IQGAP3: variants seen among roughly 807,000 people sequenced by gnomAD.
The protein encoded by IQGAP3 is IQ motif containing GTPase activating protein 3, also known as ras GTPase-activating-like protein IQGAP3.
Under a neutral mutation model 208.2 loss-of-function variants are expected in IQGAP3, and 165 were observed. That is an observed-to-expected ratio of 0.79 (90% confidence interval 0.70 to 0.90). IQGAP3 has a LOEUF of 0.90. Ranked by LOEUF, IQGAP3 falls within the 40% of genes least tolerant of loss-of-function variation. IQGAP3 has a pLI of 0.00. For synonymous variants in IQGAP3, 703 were observed against 803.6 expected, an observed-to-expected ratio of 0.87 and a Z score of 2.12; for missense variants, 1,811 against 2,043.1, an observed-to-expected ratio of 0.89 and a Z score of 2.19.
chr1:156,553,155 G>A (rs1432773311), intron 13 of IQGAP3, among the ~76,000 whole-genome samples: 2 of 152,096 alleles, frequency 1.3e-5, no homozygotes, highest in Non-Finnish European at 2.9e-5. Context: ...CAGCCTGGGT[G>A]GCAGAGCAAG....
rs1293333593 is a variant in IQGAP3, at chr1:156,530,282, C to T, written c.4227G>A (p.Gln1409=). ...AAHKQLMSRR[Q]ACTAQTPEPL... is the part of the protein sequence containing the mutation. Reference sequence around the variant, plus strand: ...GCTCCGGTGTCTGGGCTGTACAGGCCTGGCGTCGGCTCATCAGCTGCTTGT... The same window carrying T: ...GCTCCGGTGTCTGGGCTGTACAGGCTTGGCGTCGGCTCATCAGCTGCTTGT... Residue 1409 remains glutamine (Q), a synonymous_variant, in exon 34 of 38, where the codon CAG becomes CAA. Transcript: ENST00000361170. The T allele has an allele frequency of 6.2e-7, 1 of 1,611,064 alleles. No individual in the cohort carries two copies. The highest frequency in any genetic ancestry group is 1.1e-5 in the South Asian group (1 of 90,832).
In IQGAP3 at chr1:156,548,764, G is replaced by A. The variant is rs137902823; in HGVS notation, c.1826-16C>T. The A allele has an allele frequency of 8.8e-3, 13,655 of 1,543,092 alleles. 98 individuals are homozygous for A. Among genetic ancestry groups the A allele is most frequent in the Non-Finnish European group, 0.011 (12,396 of 1,144,342 alleles). On this transcript the variant is annotated splice_polypyrimidine_tract_variant and intron_variant, in intron 16 of 37. Coordinates refer to ENST00000361170, the MANE Select transcript of IQGAP3 (RefSeq NM_178229.5). ...CCAAGAGCCACTGACAGGGGCATCA[G>A]GAGAGAGCAGTCAATCCTTCCCCCG...
intron 4 of IQGAP3, 128 bp downstream of exon 4, chr1:156,565,899 C>T (rs972278724): frequency 1.1e-5 from 8 of 734,994 alleles, no homozygotes; most frequent in Non-Finnish European, 1.9e-5. Context: ...GAACTGTTCT[C>T]TTAGATTAAG....
At position 156,548,669 on chromosome 1, in the gene IQGAP3, G is replaced by A. The variant is rs199802617; in HGVS notation, c.1905C>T (p.Pro635=). 48 of 1,612,276 alleles carry A rather than the reference G, an allele frequency of 3.0e-5. No homozygotes were observed. The South Asian group carries it at 3.7e-4, about 13-fold the overall frequency. ...GAACTACCCCTCGAAGGGCCACTGC[G>A]GGGTTCCTCAACACCCGCTCAGTCT... The part of the protein sequence containing the change: ...AAQTERVLRN[P]AVALRGVVPD... The change falls in exon 17 of 38, where the codon CCC becomes CCT. Residue 635 remains proline, a synonymous_variant. Transcript: ENST00000361170.
In IQGAP3 at chr1:156,548,255, GGA is replaced by G; in HGVS notation, c.2134-14_2134-13del. ...TTGGTGACAGCTGACTGTGGAGGCAGGAGAGAGACGCTGTGGTCTTTTGGGGA... is the reference window on the plus strand; with the variant it reads ...TTGGTGACAGCTGACTGTGGAGGCAGGAGAGACGCTGTGGTCTTTTGGGGA... On this transcript the variant is annotated splice_polypyrimidine_tract_variant and intron_variant, in intron 18 of 37. Coordinates refer to ENST00000361170, the MANE Select transcript of IQGAP3 (RefSeq NM_178229.5). 1 of 1,612,414 alleles carries G rather than the reference GGA, an allele frequency of 6.2e-7. No homozygotes were observed. Among genetic ancestry groups the G allele is most frequent in the Non-Finnish European group, 8.5e-7 (1 of 1,178,770 alleles).
rs114783713 is a variant in IQGAP3, at chr1:156,533,375, T to A, written c.3977-269A>T. Among the ~76,000 whole-genome samples the A allele has an allele frequency of 9.3e-3, 1,420 of 152,182 alleles. 24 individuals are homozygous for A. Among genetic ancestry groups the A allele is most frequent in the African/African-American group, 0.032 (1,335 of 41,512 alleles). On this transcript the variant is annotated intron_variant, in intron 31 of 37. Coordinates refer to ENST00000361170, the MANE Select transcript of IQGAP3 (RefSeq NM_178229.5). ...CCCTCAGCCCTGGGTGCCCTGAGGG[T>A]AGAGGAGCTGTGCCTCCCTGAGCCT...
chr1:156,528,785 G>T, intron 35 of IQGAP3, 131 bp downstream of exon 35: 1 of 1,188,822 alleles, frequency 8.4e-7, no homozygotes, highest in Non-Finnish European at 1.2e-6. Context: ...TCAAAGACCA[G>T]ACTTAGGAAG....
At chr1:156,543,273 C>G (rs766886535) in intron 22 of IQGAP3, among the ~76,000 whole-genome samples, 1 of 151,990 alleles carries the variant, frequency 6.6e-6, no homozygotes, top group Non-Finnish European at 1.5e-5. Context: ...ACAGGCAAAG[C>G]CCCTGTGGGC....
In IQGAP3 at chr1:156,529,029, C is replaced by T. The variant is rs370239156; in HGVS notation, c.4458G>A (p.Lys1486=). Residue 1486 remains lysine, a synonymous_variant, in exon 35 of 38, where the codon AAG becomes AAA. Coordinates refer to ENST00000361170, the MANE Select transcript of IQGAP3 (RefSeq NM_178229.5). ...TCAGGCCCTGTAATGTGGCCTGCAG[C>T]TTCACCAGCTCTGCCTTCCGCCTGT... is the stretch of plus-strand genomic sequence containing the variant. ...HRHRRKAELV[K]LQATLQGLST... 1.9e-6 allele frequency: 3 copies of T among 1,614,204 alleles called. No individual in the cohort carries two copies. In the African/African-American group the frequency reaches 4.0e-5, roughly 22 times the overall value.
chr1:156,561,954 G>A lies in IQGAP3; in HGVS notation c.925C>T (p.Pro309Ser), dbSNP rs764762345. The change falls in exon 10 of 38, where the codon CCT becomes TCT. Residue 309 changes from proline to serine, a missense_variant. By Grantham distance (74) the Pro-to-Ser change is moderately conservative. Coordinates refer to ENST00000361170, the MANE Select transcript of IQGAP3 (RefSeq NM_178229.5). The part of the protein sequence containing the change: ...VVDDALERQS[P>S]EALLKALQDP... Reference sequence around the variant, plus strand: ...TGAAGGGCCTTGAGCAAGGCTTCAGGGCTCTGTCTTTCCAGGGCATCATCA... The same window carrying A: ...TGAAGGGCCTTGAGCAAGGCTTCAGAGCTCTGTCTTTCCAGGGCATCATCA... The A allele has an allele frequency of 1.2e-6, 2 of 1,613,724 alleles. No individual in the cohort carries two copies. Among genetic ancestry groups the A allele is most frequent in the Non-Finnish European group, 1.7e-6 (2 of 1,179,908 alleles).
In IQGAP3 at chr1:156,548,586, C is replaced by T. The variant is rs780418135; in HGVS notation, c.1988G>A (p.Arg663His). 20 of 1,599,762 alleles carry T rather than the reference C, an allele frequency of 1.3e-5. No individual in the cohort carries two copies. The highest frequency in any genetic ancestry group is 5.6e-5 in the South Asian group (5 of 89,456). Residue 663 changes from arginine (R) to histidine (H), a missense_variant, in exon 17 of 38, where the codon CGT (arginine) becomes CAT (histidine). Coordinates refer to ENST00000361170, the MANE Select transcript of IQGAP3 (RefSeq NM_178229.5). Reference sequence around the variant, plus strand: ...GGTCAGGTTGGGGCCATTACCTGGACGCTGTTTCTTTGCCATGGCACTTTC... The same window carrying T: ...GGTCAGGTTGGGGCCATTACCTGGATGCTGTTTCTTTGCCATGGCACTTTC... ...ALESAMAKKQ[R>H]PADTAFWVQH... is the part of the protein sequence containing the mutation.
At chr1:156,545,573 C>T (rs1675203237) in intron 19 of IQGAP3, among the ~76,000 whole-genome samples, 1 of 151,062 alleles carries the variant, frequency 6.6e-6, no homozygotes, top group African/African-American at 2.4e-5. Context: ...TGTCATGGCT[C>T]ACTGCAGCGT....
At chr1:156,535,671 C>T (rs1674653524) in intron 27 of IQGAP3, among the ~76,000 whole-genome samples, 1 of 152,130 alleles carries the variant, frequency 6.6e-6, no homozygotes, top group Non-Finnish European at 1.5e-5. Context: ...TAGGTGGCTC[C>T]GAGGTAGTCA....
At chr1:156,567,776 C>T (rs891830095) in intron 2 of IQGAP3, among the ~76,000 whole-genome samples, 3 of 152,160 alleles carry the variant, frequency 2.0e-5, no homozygotes, top group Non-Finnish European at 4.4e-5. Context: ...ACGTATCCTG[C>T]TTTTCCTGTA....
intron 9 of IQGAP3, 53 bp from the exon 10 acceptor site, chr1:156,562,054 TCC>T (rs1676179037): frequency 1.4e-6 from 2 of 1,478,846 alleles, no homozygotes; most frequent in Admixed American, 2.0e-5. Context: ...CCTCTCATAA[TCC>T]CCTAGTCCAG....
chr1:156,531,775 G>T (rs183839265), intron 32 of IQGAP3, among the ~76,000 whole-genome samples: 236 of 151,852 alleles, frequency 1.6e-3, no homozygotes, highest in African/African-American at 5.2e-3. Flanking sequence ...CAGCTAATTT[G>T]TGTATTTTCA....
At chr1:156,533,296 G>A (rs764586842) in intron 31 of IQGAP3, among the ~76,000 whole-genome samples, 190 bp from the exon 32 acceptor site, 2 of 152,128 alleles carry the variant, frequency 1.3e-5, no homozygotes, top group Non-Finnish European at 2.9e-5. Flanking sequence ...CCGATGGAAG[G>A]GCTGTTACCC....
In IQGAP3 at chr1:156,556,565, G is replaced by C. The variant is rs751774829; in HGVS notation, c.1258C>G (p.Leu420Val). The C allele has an allele frequency of 6.2e-6, 10 of 1,613,552 alleles. No individual in the cohort carries two copies. In the East Asian group the frequency reaches 2.2e-4, roughly 36 times the overall value. Residue 420 changes from leucine (L) to valine (V), a missense_variant, in exon 12 of 38, where the codon CTG becomes GTG. Physicochemically the swap from Leu to Val is conservative, Grantham distance 32 (BLOSUM62 1). Coordinates refer to ENST00000361170, the MANE Select transcript of IQGAP3 (RefSeq NM_178229.5). ...VYPVASSMYQ[L>V]ELAVLQQQQG... ...TGCTGCTGGAGCACTGCCAGCTCCA[G>C]CTGGTACATAGACGATGCAACAGGG...
intron 5 of IQGAP3, 37 bp downstream of exon 5, chr1:156,564,578 T>C (rs1305543675): frequency 1.4e-6 from 2 of 1,402,254 alleles, no homozygotes; most frequent in South Asian, 2.3e-5. Context: ...CGCATCCACC[T>C]AGAGGAACCT....
Sources: allele counts gnomAD v4.1 joint callset (sites outside exome capture counted in the v4.1 genomes callset), GRCh38; gene constraint gnomAD v4.1.1; transcripts MANE v1.5; gene names NCBI Gene and HGNC (gene_info 2026-07-23, HGNC 2026-07-21).